Variants in DOCK2 observed in about 807,000 individuals in gnomAD.
DOCK2 encodes dedicator of cytokinesis 2.
A neutral mutation model predicts 248.9 loss-of-function variants in DOCK2; 87 were observed. The observed-to-expected ratio is 0.35, with a 90% CI of 0.29 to 0.42. The LOEUF is 0.42. DOCK2 is among the 10% of genes least tolerant of loss of function. The probability of loss-of-function intolerance (pLI) is 1.00; values close to 1 mark genes in which losing one functional copy is unlikely to be tolerated. For synonymous variants in DOCK2, 805 were observed against 821.6 expected, an observed-to-expected ratio of 0.98 and a Z score of 0.35; for missense variants, 1,747 against 2,300.2, an observed-to-expected ratio of 0.76 and a Z score of 4.92.
At chr5:169,857,521 G>A (rs1770959005) in intron 27 of DOCK2, among the ~76,000 whole-genome samples, 3 of 152,094 alleles carry the variant, frequency 2.0e-5, no homozygotes, top group South Asian at 2.1e-4. Flanking sequence ...AGCAGCCAAA[G>A]CAATCATTGC....
intron 44 of DOCK2, among the ~76,000 whole-genome samples, chr5:170,065,506 C>T (rs1314679642): frequency 2.0e-5 from 3 of 152,114 alleles, no homozygotes; most frequent in African/African-American, 7.2e-5. Flanking sequence ...GTATATTAGT[C>T]CGTTTTCACA....
intron 27 of DOCK2, among the ~76,000 whole-genome samples, chr5:169,975,090 TA>T (rs1777668607): frequency 6.6e-6 from 1 of 152,126 alleles, no homozygotes; most frequent in Non-Finnish European, 1.5e-5. Context: ...AATGTAAAAC[TA>T]AAGTCCATGC....
intron 25 of DOCK2, among the ~76,000 whole-genome samples, chr5:169,777,304 G>A (rs1475787912): frequency 2.0e-5 from 3 of 152,188 alleles, no homozygotes; most frequent in Non-Finnish European, 4.4e-5. Context: ...CAACTCCGCC[G>A]TTATCCTTGA....
At chr5:169,647,669 C>A (rs1000874071) in intron 1 of DOCK2, among the ~76,000 whole-genome samples, 3 of 152,230 alleles carry the variant, frequency 2.0e-5, no homozygotes, top group Admixed American at 1.3e-4. Context: ...TGGTTTCCCC[C>A]CTCTCTTCCC....
chr5:170,072,793 T>A lies in DOCK2; in HGVS notation c.4729-3154T>A, dbSNP rs112194254. On this transcript the variant is annotated intron_variant, in intron 46 of 51. Transcript: ENST00000520908. ...CAATGATGTTCAGCACCTTTTCATA[T>A]GCTTACTGCTAATTGGATTACCCTT... is the stretch of plus-strand genomic sequence containing the variant. Among the ~76,000 whole-genome samples the A allele has an allele frequency of 7.4e-4, 113 of 152,370 alleles. 1 individual carries two copies. The highest frequency in any genetic ancestry group is 2.5e-3 in the African/African-American group (106 of 41,598).
At chr5:169,900,196 G>A (rs1773844584) in intron 27 of DOCK2, among the ~76,000 whole-genome samples, 1 of 152,182 alleles carries the variant, frequency 6.6e-6, no homozygotes, top group Non-Finnish European at 1.5e-5. Context: ...TAAGACGCAA[G>A]CTTTAAGCAA....
At chr5:169,761,382 G>T (rs1764479750) in intron 24 of DOCK2, 137 bp from the exon 25 acceptor site, 2 of 669,746 alleles carry the variant, frequency 3.0e-6, no homozygotes, top group Non-Finnish European at 2.6e-6. Flanking sequence ...TTTACTGAAG[G>T]CTTACCTTGC....
intron 27 of DOCK2, among the ~76,000 whole-genome samples, chr5:169,841,134 A>C (rs1769941816): frequency 6.6e-6 from 1 of 152,216 alleles, no homozygotes; most frequent in Admixed American, 6.5e-5. Context: ...AAGGGAGAGC[A>C]GCTTTTGTAA....
intron 27 of DOCK2, chr5:169,883,145 A>C: frequency 1.3e-6 from 2 of 1,551,488 alleles, no homozygotes; most frequent in Non-Finnish European, 1.7e-6. Flanking sequence ...GATTTTTCTG[A>C]ATCTAGTGGA....
chr5:169,765,992 T>G (rs78378358), intron 25 of DOCK2, among the ~76,000 whole-genome samples: 4,618 of 152,314 alleles, frequency 0.03, 90 homozygotes, highest in Middle Eastern at 0.048. Flanking sequence ...TGCCTATATC[T>G]TTTCTAATCA....
chr5:169,855,248 A>C (rs1401774699), intron 27 of DOCK2, among the ~76,000 whole-genome samples: 1 of 152,232 alleles, frequency 6.6e-6, no homozygotes, highest in Non-Finnish European at 1.5e-5. Context: ...TAGAGTTTTT[A>C]TTATCACTAT....
chr5:169,762,002 G>A (rs1163175670), intron 25 of DOCK2, among the ~76,000 whole-genome samples: 4 of 152,170 alleles, frequency 2.6e-5, no homozygotes, highest in Non-Finnish European at 5.9e-5. Context: ...AAACTGGAGA[G>A]CTTATTAAAA....
chr5:170,041,209 A>T lies in DOCK2; in HGVS notation c.3756+64A>T, dbSNP rs149956505. The T allele has an allele frequency of 7.7e-4, 1,094 of 1,417,974 alleles. 11 individuals carry two copies. The East Asian group carries it at 0.021, about 27-fold the overall frequency. The allele number at this position is 1,417,974 out of a possible 1,614,324, so 87.8% of individuals were successfully genotyped here. A position where few individuals can be genotyped will look rare whatever the true frequency, so the allele number is the denominator to read the frequency against. On this transcript the variant is annotated intron_variant, in intron 37 of 51. Coordinates refer to ENST00000520908, the MANE Select transcript of DOCK2 (RefSeq NM_004946.3). The stretch of plus-strand genomic sequence containing the variant: ...CCTGACAGGGCCTCACAGCAAGTTG[A>T]AGAGTGAAAAAAGAAAAAAAAGAAA...
At chr5:169,832,658 GA>G (rs1769301703) in intron 26 of DOCK2, among the ~76,000 whole-genome samples, 1 of 152,232 alleles carries the variant, frequency 6.6e-6, no homozygotes, top group African/African-American at 2.4e-5. Flanking sequence ...CAGAGAGAGA[GA>G]GGGTGACTGT....
chr5:169,702,176 A>C, intron 13 of DOCK2, 127 bp from the exon 14 acceptor site: 2 of 1,213,932 alleles, frequency 1.6e-6, no homozygotes, highest in Non-Finnish European at 2.2e-6. Context: ...TCTCTAAGCA[A>C]TTCTGATTTT....
In DOCK2 at chr5:169,996,698, ACT is replaced by A. The variant is rs1224408084; in HGVS notation, c.3072+537_3072+538del. ...CCAGGTCCAGGCCCAAGAAGCACAA[ACT>A]CTGTGGGAAAGTCCAGATTGCTTCC... On this transcript the variant is annotated intron_variant, in intron 30 of 51. Transcript: ENST00000520908. Among the ~76,000 whole-genome samples, 11 of 152,172 alleles carry A rather than the reference ACT, an allele frequency of 7.2e-5. 1 individual carries two copies. The East Asian group carries it at 2.1e-3, about 29-fold the overall frequency.
intron 26 of DOCK2, among the ~76,000 whole-genome samples, chr5:169,829,566 A>C (rs1351421737): frequency 6.6e-6 from 1 of 152,202 alleles, no homozygotes; most frequent in South Asian, 2.1e-4. Context: ...TAAGCTTTGA[A>C]AGTTTACACG....
At chr5:169,724,764 T>C (rs1005285564) in intron 22 of DOCK2, among the ~76,000 whole-genome samples, 1 of 151,614 alleles carries the variant, frequency 6.6e-6, no homozygotes, top group African/African-American at 2.4e-5. Context: ...TTTTTTTTTT[T>C]TCTTATTTGC....
chr5:169,922,913 G>C (rs777702036), intron 27 of DOCK2, among the ~76,000 whole-genome samples: 2 of 152,182 alleles, frequency 1.3e-5, no homozygotes, highest in Non-Finnish European at 2.9e-5. Context: ...ACAAACACCT[G>C]TACAGTACAG....
Sources: allele counts gnomAD v4.1 joint callset (sites outside exome capture counted in the v4.1 genomes callset), GRCh38; gene constraint gnomAD v4.1.1; transcripts MANE v1.5; gene names NCBI Gene and HGNC (gene_info 2026-07-23, HGNC 2026-07-21).